Variants in ST3GAL1 observed in about 807,000 individuals in gnomAD.
ST3GAL1 encodes the protein ST3 beta-galactoside alpha-2,3-sialyltransferase 1.
ST3GAL1 carries 16 observed loss-of-function variants against 34.1 expected under a neutral mutation model. The observed-to-expected ratio is 0.47, with a 90% CI of 0.32 to 0.71. The LOEUF (loss-of-function observed/expected upper bound fraction) is 0.71, where lower values mean the gene tolerates loss of function less well. Ranked by LOEUF, ST3GAL1 falls within the 30% of genes least tolerant of loss-of-function variation. The pLI, the probability that ST3GAL1 is intolerant of heterozygous loss-of-function variation, is 0.04. For synonymous variants in ST3GAL1, 191 were observed against 184.7 expected, an observed-to-expected ratio of 1.03 and a Z score of -0.28; for missense variants, 353 against 447.4, an observed-to-expected ratio of 0.79 and a Z score of 1.90.
At chr8:133,529,378 G>A (rs78884937) in intron 2 of ST3GAL1, among the ~76,000 whole-genome samples, 8,373 of 152,238 alleles carry the variant, frequency 0.055, 713 homozygotes, top group African/African-American at 0.19. Flanking sequence ...TGCTGCTACC[G>A]AGCAAATGTA....
chr8:133,455,371 A>G lies in ST3GAL1; in HGVS notation c.*4393T>C, dbSNP rs567020383. ...CTAGGAAATTCAGTGCTCTTTTGGT[A>G]AGAAAAAATAGTCGGTAATGCCCTG... is the stretch of plus-strand genomic sequence containing the variant. On this transcript the variant is annotated 3_prime_UTR_variant, in exon 10 of 10. Transcript: ENST00000522652. 3 of 152,384 alleles carry G rather than the reference A, an allele frequency of 2.0e-5. No individual in the cohort carries two copies. Among genetic ancestry groups the G allele is most frequent in the African/African-American group, 7.2e-5 (3 of 41,542 alleles). The allele number at this position is 152,384 out of a possible 1,614,324, so 9.4% of individuals were successfully genotyped here.
intron 3 of ST3GAL1, among the ~76,000 whole-genome samples, chr8:133,482,894 C>T (rs1265374259): frequency 6.6e-6 from 1 of 152,182 alleles, no homozygotes; most frequent in Non-Finnish European, 1.5e-5. Flanking sequence ...TGGATCATGG[C>T]CAACAGTTGT....
At chr8:133,493,845 C>G (rs532882527) in intron 3 of ST3GAL1, among the ~76,000 whole-genome samples, 8 of 99,456 alleles carry the variant, frequency 8.0e-5, no homozygotes, top group African/African-American at 3.0e-4. Flanking sequence ...GACTCTGTAT[C>G]AGGAAAAAAA....
chr8:133,550,635 C>T (rs1818811226), intron 1 of ST3GAL1, among the ~76,000 whole-genome samples: 1 of 152,210 alleles, frequency 6.6e-6, no homozygotes, highest in South Asian at 2.1e-4. Context: ...AATCTAGGAG[C>T]CAAGCAGGGA....
At chr8:133,520,486 G>A (rs1817771152) in intron 2 of ST3GAL1, among the ~76,000 whole-genome samples, 1 of 152,194 alleles carries the variant, frequency 6.6e-6, no homozygotes, top group South Asian at 2.1e-4. Flanking sequence ...GTGAAAAGCT[G>A]TTGGGTATGG....
rs62520286 is a variant in ST3GAL1, at chr8:133,522,284, A to G, written c.-428-23095T>C. ...GCAGACCCAGCAACATTTTTTAAAA[A>G]TCTAAAAAAAATTGCAAATGGCTTC... On this transcript the variant is annotated intron_variant, in intron 2 of 9. Transcript: ENST00000522652. Among the ~76,000 whole-genome samples the G allele has an allele frequency of 1.5e-4, 23 of 152,344 alleles. No homozygotes were observed. The Middle Eastern group carries it at 0.02, about 135-fold the overall frequency.
intron 2 of ST3GAL1, among the ~76,000 whole-genome samples, chr8:133,510,420 G>T (rs1220811676): frequency 6.6e-6 from 1 of 152,168 alleles, no homozygotes; most frequent in African/African-American, 2.4e-5. Flanking sequence ...AGGAACTGAG[G>T]CAGAGTGAGC....
chr8:133,565,866 G>A (rs1215675776), intron 1 of ST3GAL1, among the ~76,000 whole-genome samples: 1 of 152,224 alleles, frequency 6.6e-6, no homozygotes, highest in African/African-American at 2.4e-5. Context: ...GGAGTTCTGT[G>A]TCCTTGGCCA....
chr8:133,494,778 C>T (rs1415553986), intron 3 of ST3GAL1, among the ~76,000 whole-genome samples: 1 of 152,180 alleles, frequency 6.6e-6, no homozygotes, highest in African/African-American at 2.4e-5. Flanking sequence ...CCTATCTGCT[C>T]TGCCCAGAAT....
chr8:133,550,023 C>G (rs1017921911), intron 1 of ST3GAL1, among the ~76,000 whole-genome samples: 3 of 152,162 alleles, frequency 2.0e-5, no homozygotes, highest in African/African-American at 7.2e-5. Context: ...TGGGGCTCAC[C>G]TTTTGCAGCC....
chr8:133,489,926 T>C (rs1231582753), intron 3 of ST3GAL1, among the ~76,000 whole-genome samples: 1 of 152,138 alleles, frequency 6.6e-6, no homozygotes, highest in Non-Finnish European at 1.5e-5. Context: ...CAAAAGCCCA[T>C]GGAATATCTC....
intron 2 of ST3GAL1, among the ~76,000 whole-genome samples, chr8:133,528,793 C>T (rs1178596719): frequency 6.6e-6 from 1 of 152,220 alleles, no homozygotes; most frequent in Non-Finnish European, 1.5e-5. Context: ...GGTATTAGGG[C>T]TCCAAGGGTA....
chr8:133,495,576 G>C (rs923568027), intron 3 of ST3GAL1, among the ~76,000 whole-genome samples: 1 of 152,154 alleles, frequency 6.6e-6, no homozygotes, highest in Non-Finnish European at 1.5e-5. Context: ...CATCTTGCTG[G>C]GTAGACAAAG....
At chr8:133,527,556 C>G (rs1818014316) in intron 2 of ST3GAL1, among the ~76,000 whole-genome samples, 1 of 152,150 alleles carries the variant, frequency 6.6e-6, no homozygotes, top group Admixed American at 6.5e-5. Context: ...AGATCTGTGA[C>G]TCAGTTTACC....
At chr8:133,481,533 T>C (rs1455831749) in intron 3 of ST3GAL1, among the ~76,000 whole-genome samples, 2 of 152,222 alleles carry the variant, frequency 1.3e-5, no homozygotes, top group Non-Finnish European at 2.9e-5. Context: ...TCTTACTCTG[T>C]CGCCCAGGCT....
At position 133,571,821 on chromosome 8, in the gene ST3GAL1, CTCT is replaced by C. The variant is rs1198502606; in HGVS notation, c.-713_-711del. ...ACATCGCCTCTTCCTTCTCTCTCCG[CTCT>C]TCTTCCTCCTCCTCCTCCCTCCGGT... On this transcript the variant is annotated 5_prime_UTR_variant, in exon 1 of 10. Coordinates refer to ENST00000522652, the MANE Select transcript of ST3GAL1 (RefSeq NM_173344.3). This position sits in a 1 kb window ranked among gnomAD's most constrained non-coding sequence, Gnocchi z 6.7. 4 of 153,962 alleles carry C rather than the reference CTCT, an allele frequency of 2.6e-5. No individual in the cohort carries two copies. Among genetic ancestry groups the C allele is most frequent in the African/African-American group, 9.6e-5 (4 of 41,490 alleles). 9.5% of individuals were successfully genotyped at this position (153,962 alleles called of 1,614,324 possible). A position where few individuals can be genotyped will look rare whatever the true frequency, so the allele number is the denominator to read the frequency against.
chr8:133,489,962 T>C (rs13264936), intron 3 of ST3GAL1, among the ~76,000 whole-genome samples: 117,428 of 152,066 alleles, frequency 0.77, 45,722 homozygotes, highest in Middle Eastern at 0.82. Context: ...GCCTCTGGTC[T>C]GCCCCTCCTT....
chr8:133,532,764 T>A (rs948456917), intron 2 of ST3GAL1, among the ~76,000 whole-genome samples: 3 of 152,200 alleles, frequency 2.0e-5, no homozygotes, highest in African/African-American at 7.2e-5. Flanking sequence ...GAACTGTTCT[T>A]CCTGCCCTTG....
chr8:133,506,787 A>G (rs967098569), intron 2 of ST3GAL1, among the ~76,000 whole-genome samples: 1 of 150,840 alleles, frequency 6.6e-6, no homozygotes, highest in East Asian at 2.0e-4. Context: ...CTTTGTCCCA[A>G]AAAAAAGAAA....
Sources: allele counts gnomAD v4.1 joint callset (sites outside exome capture counted in the v4.1 genomes callset), GRCh38; gene constraint gnomAD v4.1.1; non-coding constraint Gnocchi (gnomAD v3.1); transcripts MANE v1.5; gene names NCBI Gene and HGNC (gene_info 2026-07-23, HGNC 2026-07-21).